TLN2: variants seen among roughly 807,000 people sequenced by gnomAD.
TLN2 encodes talin 2.
In TLN2, 118 loss-of-function variants were observed where a neutral mutation model predicts 294.7. The ratio of observed to expected loss-of-function variants is 0.40; its 90% confidence interval spans 0.34 to 0.47. TLN2 has a LOEUF of 0.47. Ranked by LOEUF, TLN2 falls within the 20% of genes least tolerant of loss-of-function variation. The pLI is 0.84. For synonymous variants in TLN2, 1,431 were observed against 1,304.5 expected, an observed-to-expected ratio of 1.10 and a Z score of -2.09; for missense variants, 3,083 against 3,282.2, an observed-to-expected ratio of 0.94 and a Z score of 1.48.
At chr15:62,571,591 T>C (rs1290008415) in intron 1 of TLN2, among the ~76,000 whole-genome samples, 1 of 152,220 alleles carries the variant, frequency 6.6e-6, no homozygotes, top group Non-Finnish European at 1.5e-5. Context: ...TGTTGCCTCC[T>C]GTTTGTTTTT....
At chr15:62,464,585 A>AT (rs1404963647) in intron 1 of TLN2, among the ~76,000 whole-genome samples, 1 of 151,118 alleles carries the variant, frequency 6.6e-6, no homozygotes, top group Non-Finnish European at 1.5e-5. Context: ...AAAAAAAAAA[A>AT]GTTAATCTGA....
At chr15:62,838,715 T>TACTCTCTGGCTACAGA in intron 57 of TLN2, 141 bp from the exon 58 acceptor site, 1 of 1,081,894 alleles carries the variant, frequency 9.2e-7, no homozygotes, top group Non-Finnish European at 1.3e-6. Context: ...GACAGATGGG[T>TACTCTCTGGCTACAGA]ACTCTCTGGC....
chr15:62,524,445 C>T (rs1388823509), intron 1 of TLN2, among the ~76,000 whole-genome samples: 2 of 152,170 alleles, frequency 1.3e-5, no homozygotes, highest in Middle Eastern at 3.4e-3. Flanking sequence ...GCTGAGACAG[C>T]GTGCTGTAGA....
chr15:62,768,808 T>A (rs2063176657), intron 41 of TLN2, among the ~76,000 whole-genome samples: 1 of 152,254 alleles, frequency 6.6e-6, no homozygotes, highest in African/African-American at 2.4e-5. Flanking sequence ...TAGCCTTTAC[T>A]GAGTACTTCC....
At chr15:62,790,173 G>T (rs2064978126) in intron 45 of TLN2, among the ~76,000 whole-genome samples, 2 of 152,174 alleles carry the variant, frequency 1.3e-5, no homozygotes, top group African/African-American at 4.8e-5. Flanking sequence ...GCTGTAACTA[G>T]CCTTCATAAC....
intron 3 of TLN2, among the ~76,000 whole-genome samples, chr15:62,638,863 G>A (rs1423748653): frequency 6.6e-6 from 1 of 152,040 alleles, no homozygotes; most frequent in East Asian, 1.9e-4. Flanking sequence ...TTCTTTTTTT[G>A]AGTTGTGTAT....
intron 1 of TLN2, among the ~76,000 whole-genome samples, chr15:62,455,194 C>CG (rs1555409922): frequency 6.6e-6 from 1 of 151,824 alleles, no homozygotes; most frequent in Non-Finnish European, 1.5e-5. Flanking sequence ...GATACAGAGG[C>CG]AGTGAGTCCC....
intron 37 of TLN2, among the ~76,000 whole-genome samples, chr15:62,756,699 G>A (rs2062273753): frequency 6.6e-6 from 1 of 152,120 alleles, no homozygotes; most frequent in African/African-American, 2.4e-5. Flanking sequence ...GTTCTCTCCA[G>A]AGGATAGGAC....
In TLN2 at chr15:62,722,434, T is replaced by C. The variant is rs1491002191; in HGVS notation, c.3073T>C (p.Cys1025Arg). ...GGCCGCAGCCATGCAGCTGAGCCAG[T>C]GTGCCAAGAACCTGGCCACCAGCTT... is the stretch of plus-strand genomic sequence containing the variant. ...DQAAAMQLSQ[C>R]AKNLATSLAE... Residue 1025 changes from cysteine (C) to arginine (R), a missense_variant, in exon 26 of 59, where the codon TGT becomes CGT. By Grantham distance (180) the Cys-to-Arg change is radical. Transcript: ENST00000636159. 1.9e-6 allele frequency: 3 copies of C among 1,613,042 alleles called. No homozygotes were observed. The highest frequency in any genetic ancestry group is 2.2e-5 in the South Asian group (2 of 90,976).
chr15:62,425,692 A>G (rs2034670608), intron 1 of TLN2, among the ~76,000 whole-genome samples: 2 of 152,046 alleles, frequency 1.3e-5, no homozygotes, highest in Non-Finnish European at 2.9e-5. Flanking sequence ...TTTACATAGG[A>G]TGTGTCCTCC....
intron 26 of TLN2, among the ~76,000 whole-genome samples, chr15:62,723,131 C>T (rs958505616): frequency 2.0e-5 from 3 of 152,114 alleles, no homozygotes; most frequent in African/African-American, 7.2e-5. Context: ...GTAGCAATCC[C>T]TTTATAGAAA....
intron 1 of TLN2, among the ~76,000 whole-genome samples, chr15:62,462,457 A>T (rs1305104345): frequency 2.6e-5 from 4 of 152,108 alleles, no homozygotes; most frequent in Non-Finnish European, 5.9e-5. Flanking sequence ...TGTTAGGGCC[A>T]TCTGTTTTGG....
chr15:62,800,231 G>T, intron 48 of TLN2, 137 bp from the exon 49 acceptor site: 1 of 1,367,728 alleles, frequency 7.3e-7, no homozygotes, highest in Non-Finnish European at 9.9e-7. Context: ...CTTCCCAGGA[G>T]GTCTGCCATG....
intron 3 of TLN2, chr15:62,638,367 A>G (rs1383157742): frequency 8.3e-6 from 3 of 363,244 alleles, no homozygotes; most frequent in African/African-American, 6.4e-5. Flanking sequence ...GCACATATCC[A>G]TTTTTATAGC....
At chr15:62,491,351 T>C (rs2919912) in intron 1 of TLN2, among the ~76,000 whole-genome samples, 23,034 of 99,472 alleles carry the variant, frequency 0.23, 2,416 homozygotes, top group East Asian at 0.36. Context: ...TATATATATA[T>C]ACACACACAC....
intron 26 of TLN2, 109 bp downstream of exon 26, chr15:62,722,596 C>A: frequency 6.7e-6 from 9 of 1,339,452 alleles, no homozygotes; most frequent in Admixed American, 2.7e-5. Context: ...CAAAGTTGTC[C>A]ATTCTACTTG....
chr15:62,735,328 G>A (rs576381911), intron 28 of TLN2, among the ~76,000 whole-genome samples: 45 of 152,298 alleles, frequency 3.0e-4, no homozygotes, highest in African/African-American at 1.0e-3. Context: ...TAAGACTCAC[G>A]TTTATTCCGC....
intron 52 of TLN2, among the ~76,000 whole-genome samples, chr15:62,815,213 ACACACACACACACACACACT>A (rs1482794922): frequency 1.3e-5 from 2 of 150,722 alleles, no homozygotes; most frequent in African/African-American, 4.9e-5. Flanking sequence ...ACACACACAC[ACACACACACACACACACACT>A]CACTCGCTCT....
intron 9 of TLN2, among the ~76,000 whole-genome samples, chr15:62,665,914 C>T (rs6494343): frequency 0.8 from 121,505 of 152,158 alleles, 52,159 homozygotes; most frequent in East Asian, 0.96. Context: ...AAGCCACTTG[C>T]GTACTTCCTC....
Sources: gnomAD v4.1 joint callset for allele counts (sites outside exome capture counted in the v4.1 genomes callset) on GRCh38, gnomAD v4.1.1 for gene constraint, MANE v1.5 for transcripts, NCBI Gene and HGNC (gene_info 2026-07-23, HGNC 2026-07-21) for gene names.